RBM19: variants seen among roughly 807,000 people sequenced by gnomAD.
RBM19 encodes the protein RNA binding motif protein 19, also known as probable RNA-binding protein 19.
Under a neutral mutation model 116.8 loss-of-function variants are expected in RBM19, and 94 were observed. The ratio of observed to expected loss-of-function variants is 0.80; its 90% CI spans 0.68 to 0.95. The LOEUF is 0.95. RBM19 is among the 40% of genes least tolerant of loss of function. RBM19 has a pLI of 0.00. For synonymous variants in RBM19, 475 were observed against 494.1 expected (o/e 0.96, Z 0.51); for missense variants, 1,161 against 1,220.7 (o/e 0.95, Z 0.73).
chr12:113,859,583 C>A (rs985908856), intron 21 of RBM19, among the ~76,000 whole-genome samples: 2 of 152,178 alleles, frequency 1.3e-5, no homozygotes, highest in African/African-American at 4.8e-5. Context: ...AAACTGGTAA[C>A]CACGGCCTTG....
chr12:113,927,618 A>C (rs1012483386), intron 16 of RBM19, among the ~76,000 whole-genome samples: 11 of 152,144 alleles, frequency 7.2e-5, no homozygotes, highest in South Asian at 2.1e-4. Flanking sequence ...AAAAAAAAAA[A>C]CCAGCACTTA....
In RBM19 at chr12:113,923,884, G is replaced by A. The variant is rs530187165; in HGVS notation, c.2305+813C>T. Reference sequence around the variant, plus strand: ...CCCTCAGTCTTATATAACTAACACCGTGCCTGCTGCCTGGTGGGGCCTGGG... The same window carrying A: ...CCCTCAGTCTTATATAACTAACACCATGCCTGCTGCCTGGTGGGGCCTGGG... On this transcript the variant is annotated intron_variant, in intron 18 of 23. Coordinates refer to ENST00000261741, the MANE Select transcript of RBM19 (RefSeq NM_016196.4). 3.9e-5 allele frequency among the ~76,000 whole-genome samples: 6 copies of A among 152,348 alleles called. No individual in the cohort carries two copies. In the South Asian group the frequency reaches 6.2e-4, roughly 16 times the overall value.
chr12:113,907,572 G>A (rs369783429), intron 21 of RBM19, among the ~76,000 whole-genome samples: 11 of 152,186 alleles, frequency 7.2e-5, no homozygotes, highest in Non-Finnish European at 1.0e-4. Flanking sequence ...GAAATGACCC[G>A]GTCCTCGCGG....
At chr12:113,934,610 A>G (rs1307227011) in intron 16 of RBM19, among the ~76,000 whole-genome samples, 1 of 152,208 alleles carries the variant, frequency 6.6e-6, no homozygotes, top group Non-Finnish European at 1.5e-5. Context: ...TGGCCATTCC[A>G]GGGGCAGAGT....
chr12:113,861,655 A>G (rs951149849), intron 21 of RBM19, among the ~76,000 whole-genome samples: 4 of 152,010 alleles, frequency 2.6e-5, no homozygotes, highest in African/African-American at 9.7e-5. Flanking sequence ...TGTGCATGGT[A>G]AGCAGCTAAG....
At chr12:113,924,597 G>A in intron 18 of RBM19, 100 bp downstream of exon 18, 1 of 1,062,264 alleles carries the variant, frequency 9.4e-7, no homozygotes, top group Non-Finnish European at 1.5e-6. Context: ...AAATGTGCAA[G>A]GGAGAACTAC....
At chr12:113,938,402 T>C (rs1372710396) in intron 15 of RBM19, among the ~76,000 whole-genome samples, 1 of 110,404 alleles carries the variant, frequency 9.1e-6, no homozygotes, top group Non-Finnish European at 1.8e-5. Flanking sequence ...AATGGGGACA[T>C]GAATATCTAT....
intron 21 of RBM19, among the ~76,000 whole-genome samples, chr12:113,888,026 C>T (rs1880666382): frequency 6.6e-6 from 1 of 152,078 alleles, no homozygotes; most frequent in African/African-American, 2.4e-5. Context: ...CTGGCTCATC[C>T]CAACTTTTTA....
Position 113,915,054 on chromosome 12 carries a change from C to T in RBM19, c.2473G>A (p.Val825Ile). The stretch of plus-strand genomic sequence containing the variant: ...TTGGAGGTGGTCTGCTTTCTGGGAA[C>T]TTGTTTCTTCCGAGCCAATGTCACG... ...PAVTLARKKQ[V>I]PRKQTTSKIL... The change falls in exon 21 of 24, where the codon GTT becomes ATT. Residue 825 changes from valine (V) to isoleucine (I), a missense_variant. Val to Ile is a conservative substitution (Grantham distance 29). Coordinates refer to ENST00000261741, the MANE Select transcript of RBM19 (RefSeq NM_016196.4). The T allele has an allele frequency of 4.3e-6, 7 of 1,614,168 alleles. No individual in the cohort carries two copies. The highest frequency in any genetic ancestry group is 5.9e-6 in the Non-Finnish European group (7 of 1,180,026).
downstream of RBM19, chr12:113,817,104 G>A (rs1874082418): frequency 6.6e-6 from 1 of 152,204 alleles, no homozygotes; most frequent in African/African-American, 2.4e-5. Flanking sequence ...GCACAGACGG[G>A]CGCTGCGAGA....
chr12:113,965,087 A>G (rs1287503013), intron 1 of RBM19, among the ~76,000 whole-genome samples: 1 of 152,096 alleles, frequency 6.6e-6, no homozygotes, highest in Non-Finnish European at 1.5e-5. Context: ...CTTGTCCAAC[A>G]TGGCGAAACC....
chr12:113,946,017 G>T, intron 12 of RBM19, 93 bp from the exon 13 acceptor site: 2 of 1,189,238 alleles, frequency 1.7e-6, no homozygotes, highest in Non-Finnish European at 2.4e-6. Flanking sequence ...TGGGCTCCTA[G>T]GCCTGCCTAT....
At chr12:113,937,400 T>A in intron 15 of RBM19, 1 of 317,768 alleles carries the variant, frequency 3.1e-6, no homozygotes, top group Non-Finnish European at 5.7e-6. Flanking sequence ...CCAGGCCCCC[T>A]TTGTGTTTTT....
Position 113,825,920 on chromosome 12 carries a change from G to A in RBM19, c.2786-2599C>T, listed in dbSNP as rs879609885. On this transcript the variant is annotated intron_variant, in intron 23 of 23. Transcript: ENST00000261741. The surrounding 1 kb of genome is among the most constrained non-coding windows in gnomAD (Gnocchi z 5.7). ...TGCTGTTCCTTTGCTCAAGCCTCCA[G>A]GGGCACCATCTCACCTGGGGAAAAG... is the stretch of plus-strand genomic sequence containing the variant. Among the ~76,000 whole-genome samples, 1 of 152,188 alleles carries A rather than the reference G, an allele frequency of 6.6e-6. No homozygotes were observed. The highest frequency in any genetic ancestry group is 1.5e-5 in the Non-Finnish European group (1 of 68,022).
intron 22 of RBM19, among the ~76,000 whole-genome samples, chr12:113,853,122 C>T (rs183587999): frequency 1.8e-3 from 267 of 152,342 alleles, no homozygotes; most frequent in Non-Finnish European, 2.8e-3. Context: ...CGAGCTTCTG[C>T]CAAAACACTG....
chr12:113,918,216 G>A (rs1882892305), intron 20 of RBM19, among the ~76,000 whole-genome samples, 176 bp downstream of exon 20: 2 of 152,136 alleles, frequency 1.3e-5, no homozygotes, highest in Admixed American at 1.3e-4. Flanking sequence ...GGAAAATCAG[G>A]GTCGGACTTG....
chr12:113,860,091 C>T (rs545271176), intron 21 of RBM19, among the ~76,000 whole-genome samples: 1 of 152,346 alleles, frequency 6.6e-6, no homozygotes, highest in Admixed American at 6.5e-5. Flanking sequence ...CCCAGCAGCT[C>T]TGCTCCCCCC....
rs1485359688 is a variant in RBM19 at position 113,825,313 on chromosome 12, T to A, written c.2786-1992A>T. On this transcript the variant is annotated intron_variant, in intron 23 of 23. Transcript: ENST00000261741. The surrounding 1 kb of genome is among the most constrained non-coding windows in gnomAD (Gnocchi z 5.7). ...CAGCTCTACCCATCATTGTTAATCATGAAAAGGGAGAGGGGGACAGGGTGG... is the reference window on the plus strand; with the variant it reads ...CAGCTCTACCCATCATTGTTAATCAAGAAAAGGGAGAGGGGGACAGGGTGG... Among the ~76,000 whole-genome samples, 1 of 142,518 alleles carries A rather than the reference T, an allele frequency of 7.0e-6. No individual in the cohort carries two copies. Among genetic ancestry groups the A allele is most frequent in the Non-Finnish European group, 1.5e-5 (1 of 66,454 alleles). 93.5% of individuals were successfully genotyped at this position (142,518 alleles called of 152,430 possible).
intron 22 of RBM19, 136 bp from the exon 23 acceptor site, chr12:113,844,924 G>A (rs760312828): frequency 9.4e-6 from 12 of 1,275,966 alleles, no homozygotes; most frequent in Middle Eastern, 2.6e-4. Flanking sequence ...GATCTCCAGC[G>A]AGGGTTTGGG....
Sources: gnomAD v4.1 joint callset for allele counts (sites outside exome capture counted in the v4.1 genomes callset) on GRCh38, gnomAD v4.1.1 for gene constraint, Gnocchi (gnomAD v3.1) non-coding constraint, MANE v1.5 for transcripts, NCBI Gene and HGNC (gene_info 2026-07-23, HGNC 2026-07-21) for gene names.